Variants in UTRN observed in about 807,000 individuals in gnomAD.
UTRN encodes utrophin.
Under a neutral mutation model 463.9 loss-of-function variants are expected in UTRN, and 283 were observed. The ratio of observed to expected loss-of-function variants is 0.61; its 90% CI spans 0.55 to 0.67. The LOEUF is 0.67. Ranked by LOEUF, UTRN falls within the 30% of genes least tolerant of loss-of-function variation. The probability of loss-of-function intolerance (pLI) is 0.00; values close to 1 mark genes in which losing one functional copy is unlikely to be tolerated. For synonymous variants in UTRN, 1,442 were observed against 1,431.5 expected, an observed-to-expected ratio of 1.01 and a Z score of -0.17; for missense variants, 3,922 against 4,084.3, an observed-to-expected ratio of 0.96 and a Z score of 1.08.
At chr6:144,438,625 A>T in intron 11 of UTRN, 120 bp from the exon 12 acceptor site, 1 of 1,244,296 alleles carries the variant, frequency 8.0e-7, no homozygotes, top group Non-Finnish European at 1.1e-6. Flanking sequence ...ACTAAATGCT[A>T]CCTTGAATGT....
rs771494732 is a variant in UTRN at position 144,827,655 on chromosome 6, G to A, written c.9578G>A (p.Arg3193Lys). 4 of 1,613,402 alleles carry A rather than the reference G, an allele frequency of 2.5e-6. No individual in the cohort carries two copies. Among genetic ancestry groups the A allele is most frequent in the Non-Finnish European group, 3.4e-6 (4 of 1,179,730 alleles). ...PQLFHDDTHS[R>K]IEQYATRLAQ... ...CTGTTTCATGATGACACCCATTCAA[G>A]AATAGAACAATATGCCACACGGTAA... Residue 3193 changes from arginine (R) to lysine (K), a missense_variant, in exon 68 of 75, where the codon AGA becomes AAA. Physicochemically the swap from Arg to Lys is conservative, Grantham distance 26 (BLOSUM62 2). Around this residue, in one of 3 missense-constraint regions of UTRN, gnomAD observed 1,309 missense variants for 1,452.6 expected, o/e 0.90. Transcript: ENST00000367545.
chr6:144,839,093 C>A, intron 71 of UTRN, 80 bp from the exon 72 acceptor site: 1 of 1,071,724 alleles, frequency 9.3e-7, no homozygotes, highest in Non-Finnish European at 1.4e-6. Flanking sequence ...ATGGTGAGGG[C>A]GGGGAAGTTA....
intron 50 of UTRN, among the ~76,000 whole-genome samples, chr6:144,573,101 A>C (rs892384752): frequency 9.9e-5 from 15 of 152,154 alleles, no homozygotes; most frequent in African/African-American, 3.6e-4. Flanking sequence ...AACTGGTGTG[A>C]GATGGTATCT....
chr6:144,593,503 A>G (rs145815646), intron 51 of UTRN, among the ~76,000 whole-genome samples: 110 of 152,274 alleles, frequency 7.2e-4, no homozygotes, highest in Middle Eastern at 6.8e-3. Context: ...CCTGCAACCA[A>G]TCAGAGGCAT....
chr6:144,511,181 A>G (rs1323366892), intron 35 of UTRN, 58 bp downstream of exon 35: 3 of 1,376,514 alleles, frequency 2.2e-6, no homozygotes, highest in East Asian at 5.2e-5. Flanking sequence ...GTTATTTTTT[A>G]AATGAATACA....
intron 2 of UTRN, among the ~76,000 whole-genome samples, chr6:144,322,201 C>A (rs535181116): frequency 6.6e-6 from 1 of 152,128 alleles, no homozygotes; most frequent in African/African-American, 2.4e-5. Context: ...TTTTTTTTCA[C>A]ATGGAAACTG....
At position 144,481,310 on chromosome 6, in the gene UTRN, A is replaced by G. The variant is rs192917075; in HGVS notation, c.3508-899A>G. Among the ~76,000 whole-genome samples, 3 of 152,286 alleles carry G rather than the reference A, an allele frequency of 2.0e-5. No homozygotes were observed. The East Asian group carries it at 5.8e-4, about 29-fold the overall frequency. ...ATTAAAAGTAATGGCATAAACTGCA[A>G]TTACTTTTGCACCAACCTGATAGGT... On this transcript the variant is annotated intron_variant, in intron 26 of 74. Transcript: ENST00000367545.
intron 25 of UTRN, among the ~76,000 whole-genome samples, chr6:144,477,305 G>T (rs189391634): frequency 1.3e-5 from 2 of 152,096 alleles, no homozygotes; most frequent in Non-Finnish European, 2.9e-5. Flanking sequence ...TAAATAGTAC[G>T]TATTTCTTAA....
chr6:144,314,179 G>T (rs530089735), intron 2 of UTRN, among the ~76,000 whole-genome samples: 1 of 152,042 alleles, frequency 6.6e-6, no homozygotes, highest in Admixed American at 6.6e-5. Context: ...GGGAGCCAGC[G>T]TTGGGAATAA....
intron 34 of UTRN, among the ~76,000 whole-genome samples, chr6:144,510,298 C>T (rs886576061): frequency 2.0e-5 from 3 of 152,288 alleles, no homozygotes; most frequent in Non-Finnish European, 4.4e-5. Flanking sequence ...GTGAAACTTA[C>T]GAATGTGCCG....
Position 144,793,844 on chromosome 6 carries a change from G to A in UTRN, c.8931G>A (p.Lys2977=), listed in dbSNP as rs746590192. ...TGCCTCTCTTTGCAGATCTCTTTAA[G>A]GAAGTTGCAGGGCCAACAGAAATGT... is the stretch of plus-strand genomic sequence containing the variant. The part of the protein sequence containing the change: ...LLEEKYRYLF[K]EVAGPTEMCD... The change falls in exon 63 of 75, where the codon AAG becomes AAA. Residue 2977 remains lysine (K), a synonymous_variant. Transcript: ENST00000367545. The A allele has an allele frequency of 1.9e-6, 3 of 1,613,926 alleles. No individual in the cohort carries two copies. The highest frequency in any genetic ancestry group is 1.7e-4 in the Middle Eastern group (1 of 6,058).
chr6:144,647,203 G>A (rs1778390433), intron 51 of UTRN, among the ~76,000 whole-genome samples: 1 of 152,080 alleles, frequency 6.6e-6, no homozygotes, highest in Non-Finnish European at 1.5e-5. Context: ...GGTAGGTTTC[G>A]AGTGAACTGA....
chr6:144,830,749 G>A (rs1389714502), intron 69 of UTRN, among the ~76,000 whole-genome samples: 7 of 146,198 alleles, frequency 4.8e-5, no homozygotes, highest in Admixed American at 3.4e-4. Flanking sequence ...TGCTTTTTTA[G>A]CTCATCAGCT....
intron 65 of UTRN, among the ~76,000 whole-genome samples, chr6:144,813,964 G>A (rs961863860): frequency 3.3e-5 from 5 of 152,166 alleles, no homozygotes; most frequent in Non-Finnish European, 5.9e-5. Context: ...TCAATATGGA[G>A]CATCTCAAGG....
At chr6:144,528,957 G>A (rs1412210581) in intron 41 of UTRN, among the ~76,000 whole-genome samples, 3 of 152,212 alleles carry the variant, frequency 2.0e-5, no homozygotes, top group Non-Finnish European at 4.4e-5. Flanking sequence ...GACTCTCCTT[G>A]TGCATGGCTT....
At chr6:144,825,998 G>A (rs1243743935) in intron 66 of UTRN, among the ~76,000 whole-genome samples, 1 of 125,750 alleles carries the variant, frequency 8.0e-6, no homozygotes, top group East Asian at 2.6e-4. Context: ...AGACTGTTGT[G>A]GGGTGGGGGG....
At chr6:144,612,308 G>A (rs1805608495) in intron 51 of UTRN, among the ~76,000 whole-genome samples, 1 of 151,966 alleles carries the variant, frequency 6.6e-6, no homozygotes, top group Non-Finnish European at 1.5e-5. Flanking sequence ...CCTGACATTG[G>A]TTAAGGCAAT....
Position 144,394,586 on chromosome 6 carries a change from G to A in UTRN, c.80-8537G>A, listed in dbSNP as rs142427388. On this transcript the variant is annotated intron_variant, in intron 2 of 74. Transcript: ENST00000367545. ...ATTTTTTATTTGACTATGATGACCC[G>A]GTGTCATGATCTTAGAAGACACATG... is the stretch of plus-strand genomic sequence containing the variant. Among the ~76,000 whole-genome samples the A allele has an allele frequency of 3.4e-4, 51 of 152,076 alleles. 2 individuals are homozygous for A. In the East Asian group the frequency reaches 7.7e-3, roughly 23 times the overall value.
rs201062311 is a variant in UTRN, at chr6:144,514,651, G to A, written c.5075G>A (p.Arg1692His). ...PTSKQEEIVK[R>H]LVSELDDANL... ...AATTTTGTGTTTTCTTATAATTAGC[G>A]TTTAGTATCTGAGCTGGATGATGCC... The change falls in exon 37 of 75, where the codon CGT becomes CAT. Residue 1692 changes from arginine to histidine, a missense_variant and splice_region_variant. Arg to His is a conservative substitution (Grantham distance 29). Around this residue, in one of 3 missense-constraint regions of UTRN, gnomAD observed 2,349 missense variants for 2,303.8 expected, o/e 1.02. Transcript: ENST00000367545. 9.4e-5 allele frequency: 152 copies of A among 1,612,276 alleles called. No homozygotes were observed. The highest frequency in any genetic ancestry group is 1.7e-4 in the African/African-American group (13 of 74,768).
Sources: gnomAD v4.1 joint callset for allele counts (sites outside exome capture counted in the v4.1 genomes callset) on GRCh38, gnomAD v4.1.1 for gene constraint, gnomAD v4.1.1 regional missense constraint, MANE v1.5 for transcripts, NCBI Gene and HGNC (gene_info 2026-07-23, HGNC 2026-07-21) for gene names.